Variants in MAN2A1 observed in about 807,000 individuals in gnomAD.
The protein encoded by MAN2A1 is mannosidase alpha class 2A member 1, also known as alpha-mannosidase 2.
MAN2A1 carries 76 observed loss-of-function variants against 142.6 expected under a neutral mutation model. That is an observed-to-expected ratio of 0.53 (90% CI 0.44 to 0.65). The LOEUF (loss-of-function observed/expected upper bound fraction) is 0.65, where lower values mean the gene tolerates loss of function less well. Among genes scored for constraint, MAN2A1 ranks in the 30% least tolerant of loss-of-function variants. MAN2A1 has a pLI of 0.00. For missense variants in MAN2A1, 1,311 were observed against 1,365.1 expected, an observed-to-expected ratio of 0.96 and a Z score of 0.62; for synonymous variants, 559 against 473.2, an observed-to-expected ratio of 1.18 and a Z score of -2.35.
In MAN2A1 at chr5:109,774,839, C is replaced by T; in HGVS notation, c.1248C>T (p.Thr416=). The change falls in exon 8 of 22, where the codon ACC becomes ACT. Residue 416 remains threonine, a synonymous_variant. Transcript: ENST00000261483. ...GAAAGAAGTCAAAGCTTTTTCGTAC[C>T]AAAGTTCTCCTGGCTCCACTAGGAG... ...QYRKKSKLFR[T]KVLLAPLGDD... The T allele has an allele frequency of 6.2e-7, 1 of 1,612,038 alleles. No individual in the cohort carries two copies. The highest frequency in any genetic ancestry group is 8.5e-7 in the Non-Finnish European group (1 of 1,179,360).
intron 16 of MAN2A1, among the ~76,000 whole-genome samples, chr5:109,837,420 C>T (rs551124853): frequency 5.3e-5 from 8 of 152,206 alleles, no homozygotes; most frequent in South Asian, 2.1e-4. Flanking sequence ...TCTCTCTACT[C>T]GCTTACTACA....
chr5:109,762,095 T>A (rs1448110653), intron 5 of MAN2A1, among the ~76,000 whole-genome samples: 1 of 152,150 alleles, frequency 6.6e-6, no homozygotes, highest in African/African-American at 2.4e-5. Flanking sequence ...CATTCTGGAC[T>A]TTTTCATATG....
intron 1 of MAN2A1, among the ~76,000 whole-genome samples, chr5:109,707,736 G>T (rs1012299067): frequency 1.3e-5 from 2 of 152,134 alleles, no homozygotes; most frequent in African/African-American, 2.4e-5. Context: ...GGCTTGGAAC[G>T]GAGATAAGAT....
intron 3 of MAN2A1, among the ~76,000 whole-genome samples, chr5:109,726,318 C>T (rs1482624020): frequency 7.2e-5 from 11 of 152,154 alleles, no homozygotes; most frequent in East Asian, 1.9e-4. Context: ...ATTTAGAAAA[C>T]GAAAGAACCA....
intron 12 of MAN2A1, among the ~76,000 whole-genome samples, chr5:109,808,964 A>G (rs139792667): frequency 3.9e-5 from 6 of 151,992 alleles, no homozygotes; most frequent in African/African-American, 9.7e-5. Context: ...CGGCCTCCCA[A>G]AGTGCTAGGA....
At chr5:109,819,056 G>A (rs1311901721) in intron 13 of MAN2A1, among the ~76,000 whole-genome samples, 1 of 152,150 alleles carries the variant, frequency 6.6e-6, no homozygotes, top group Non-Finnish European at 1.5e-5. Flanking sequence ...TGAAAGTAAT[G>A]TGCATTCAGT....
At chr5:109,754,113 T>C (rs1752619858) in intron 4 of MAN2A1, among the ~76,000 whole-genome samples, 1 of 152,032 alleles carries the variant, frequency 6.6e-6, no homozygotes, top group South Asian at 2.1e-4. Flanking sequence ...GATCTCCTTA[T>C]GTTGCCCAGG....
chr5:109,729,968 G>T (rs1043482401), intron 4 of MAN2A1, among the ~76,000 whole-genome samples: 2 of 152,074 alleles, frequency 1.3e-5, no homozygotes, highest in Non-Finnish European at 2.9e-5. Context: ...CTCCAGCCTG[G>T]GTAACAGTGC....
At position 109,770,472 on chromosome 5, in the gene MAN2A1, C is replaced by T; in HGVS notation, c.1127C>T (p.Pro376Leu). Residue 376 changes from proline to leucine, a missense_variant, in exon 7 of 22, where the codon CCT becomes CTT. Coordinates refer to ENST00000261483, the MANE Select transcript of MAN2A1 (RefSeq NM_002372.4). ...ICCQFDFKRL[P>L]GGRFGCPWGV... ...TGCCAGTTTGATTTTAAACGTCTTC[C>T]TGGAGGCAGATTTGGTTGTCCCTGG... is the stretch of plus-strand genomic sequence containing the variant. 1 of 1,613,996 alleles carries T rather than the reference C, an allele frequency of 6.2e-7. No homozygotes were observed. The highest frequency in any genetic ancestry group is 1.1e-5 in the South Asian group (1 of 91,082).
Position 109,855,159 on chromosome 5 carries a change from T to C in MAN2A1, c.2996T>C (p.Val999Ala). 1 of 1,549,224 alleles carries C rather than the reference T, an allele frequency of 6.5e-7. No homozygotes were observed. The highest frequency in any genetic ancestry group is 1.3e-5 in the South Asian group (1 of 77,472). ...TGATAGGAAGAAGAAAAGAAGTCGG[T>C]CAGTTATCCTTCTCTCCTTAGCCAC... ...AVNTEEEKKS[V>A]SYPSLLSHIT... Residue 999 changes from valine to alanine, a missense_variant, in exon 20 of 22, where the codon GTC becomes GCC. This residue lies in a region of MAN2A1 where 890 missense variants were observed against 920.5 expected (regional missense o/e 0.97). Coordinates refer to ENST00000261483, the MANE Select transcript of MAN2A1 (RefSeq NM_002372.4).
chr5:109,830,938 GAA>G (rs1232208161), intron 16 of MAN2A1, among the ~76,000 whole-genome samples: 1 of 152,208 alleles, frequency 6.6e-6, no homozygotes, highest in Non-Finnish European at 1.5e-5. Context: ...GCTGATTGTT[GAA>G]GCCATAACTC....
intron 1 of MAN2A1, among the ~76,000 whole-genome samples, chr5:109,702,815 C>G (rs2300992): frequency 0.17 from 26,288 of 152,162 alleles, 3,235 homozygotes; most frequent in East Asian, 0.64. Context: ...CTTACTACTG[C>G]ATTTGTTGCT....
chr5:109,746,534 A>G (rs1184458436), intron 4 of MAN2A1, among the ~76,000 whole-genome samples: 1 of 149,244 alleles, frequency 6.7e-6, no homozygotes, highest in African/African-American at 2.5e-5. Context: ...ATAGGCATAT[A>G]TATTATACAA....
At chr5:109,700,649 T>C (rs912505281) in intron 1 of MAN2A1, among the ~76,000 whole-genome samples, 1 of 152,192 alleles carries the variant, frequency 6.6e-6, no homozygotes, top group African/African-American at 2.4e-5. Flanking sequence ...AGAAAAGTCA[T>C]GAAAAATTCA....
rs1188966079 is a variant in MAN2A1 at position 109,868,281 on chromosome 5, C to CAA, written c.*1284_*1285dup. The CAA allele has an allele frequency of 2.0e-5, 3 of 152,292 alleles. No homozygotes were observed. The highest frequency in any genetic ancestry group is 7.2e-5 in the African/African-American group (3 of 41,564). The allele number at this position is 152,292 out of a possible 1,614,324, so 9.4% of individuals were successfully genotyped here. ...GGAATATGTTTGTTCATTCAGTTCT[C>CAA]AACTTTTGTATGTGCTAACCTTAAA... On this transcript the variant is annotated 3_prime_UTR_variant, in exon 22 of 22. Coordinates refer to ENST00000261483, the MANE Select transcript of MAN2A1 (RefSeq NM_002372.4).
intron 12 of MAN2A1, among the ~76,000 whole-genome samples, chr5:109,807,231 C>T (rs1325766683): frequency 6.6e-6 from 1 of 152,106 alleles, no homozygotes; most frequent in Non-Finnish European, 1.5e-5. Context: ...TCTTTGCCCA[C>T]CTCCATCCTG....
At chr5:109,837,184 G>A (rs561336365) in intron 16 of MAN2A1, among the ~76,000 whole-genome samples, 1 of 150,676 alleles carries the variant, frequency 6.6e-6, no homozygotes, top group Admixed American at 6.6e-5. Flanking sequence ...ACAGTGGGGA[G>A]GAACTGCTGT....
intron 7 of MAN2A1, among the ~76,000 whole-genome samples, chr5:109,773,043 C>T (rs1038387381): frequency 4.6e-5 from 7 of 152,186 alleles, no homozygotes; most frequent in Non-Finnish European, 8.8e-5. Flanking sequence ...GTTAAGTTGA[C>T]ATTTCTTACC....
At chr5:109,736,802 T>G (rs1752113248) in intron 4 of MAN2A1, among the ~76,000 whole-genome samples, 1 of 152,150 alleles carries the variant, frequency 6.6e-6, no homozygotes, top group Non-Finnish European at 1.5e-5. Context: ...CTTTCATCTT[T>G]CCTAATTCCT....
Sources: gnomAD v4.1 joint callset for allele counts (sites outside exome capture counted in the v4.1 genomes callset) on GRCh38, gnomAD v4.1.1 for gene constraint, gnomAD v4.1.1 regional missense constraint, MANE v1.5 for transcripts, NCBI Gene and HGNC (gene_info 2026-07-23, HGNC 2026-07-21) for gene names.